The following CST3 variants were observed in gnomAD, a reference collection of about 807,000 sequenced individuals.
The protein encoded by CST3 is cystatin-C.
Under a neutral mutation model 9.0 loss-of-function variants are expected in CST3, and 14 were observed. That is an observed-to-expected ratio of 1.56 (90% CI 1.03 to 2.44). The LOEUF is 2.44. Among genes scored for constraint, CST3 ranks in the 30% most tolerant of loss-of-function variants. The probability of loss-of-function intolerance (pLI) is 0.00; values close to 1 mark genes in which losing one functional copy is unlikely to be tolerated. For synonymous variants in CST3, 96 were observed against 90.2 expected, an observed-to-expected ratio of 1.06 and a Z score of -0.37; for missense variants, 237 against 204.3, an observed-to-expected ratio of 1.16 and a Z score of -0.98.
rs949088725 is a variant in CST3, at chr20:23,637,871, A to AGGACGCG, written c.-16_-10dup. ...CGCAGGGGCCCGGCCATGGTCGGCT[A>AGGACGCG]GGACGCGGGACGCGGGGAGTGGGGC... On this transcript the variant is annotated 5_prime_UTR_variant, in exon 1 of 3. Transcript: ENST00000376925. 5 of 1,335,482 alleles carry AGGACGCG rather than the reference A, an allele frequency of 3.7e-6. No homozygotes were observed. In the African/African-American group the frequency reaches 4.8e-5, roughly 13 times the overall value. The allele number at this position is 1,335,482 out of a possible 1,614,324, so 82.7% of individuals were successfully genotyped here. A position where few individuals can be genotyped will look rare whatever the true frequency, so the allele number is the denominator to read the frequency against.
downstream of CST3, chr20:23,628,690 G>A (rs1317497161): frequency 3.3e-5 from 5 of 152,018 alleles, no homozygotes; most frequent in Non-Finnish European, 7.4e-5. Flanking sequence ...CTTGGTGCAG[G>A]GACTCCATTA....
downstream of CST3, chr20:23,633,656 A>G (rs565753783): frequency 1.8e-5 from 11 of 598,314 alleles, no homozygotes; most frequent in Admixed American, 1.1e-4. Context: ...ACTCAGAGGG[A>G]GCCGATGCTA....
At chr20:23,637,178 T>A (rs1299112599) in intron 1 of CST3, among the ~76,000 whole-genome samples, 1 of 152,188 alleles carries the variant, frequency 6.6e-6, no homozygotes, top group East Asian at 1.9e-4. Flanking sequence ...TACGGGAGAA[T>A]AAAAAGTTAA....
chr20:23,633,312 C>G (rs1205574842), downstream of CST3, among the ~76,000 whole-genome samples: 1 of 152,146 alleles, frequency 6.6e-6, no homozygotes, highest in Non-Finnish European at 1.5e-5. Flanking sequence ...GAGGCCTGGC[C>G]CCTGTCTATG....
downstream of CST3, among the ~76,000 whole-genome samples, chr20:23,629,971 C>T (rs1323262722): frequency 1.3e-5 from 2 of 152,184 alleles, no homozygotes; most frequent in Non-Finnish European, 2.9e-5. Flanking sequence ...TACTGGAAAT[C>T]AAGGGCTACA....
intron 1 of CST3, among the ~76,000 whole-genome samples, chr20:23,636,735 C>A (rs2122479644): frequency 6.6e-6 from 1 of 152,324 alleles, no homozygotes; most frequent in East Asian, 1.9e-4. Context: ...TGGGAAATGG[C>A]ACGGTCGTGG....
At chr20:23,637,535 G>A (rs1979728396) in intron 1 of CST3, 85 bp downstream of exon 1, 2 of 1,294,666 alleles carry the variant, frequency 1.5e-6, no homozygotes, top group Non-Finnish European at 2.0e-6. Flanking sequence ...CGCCGGAGAG[G>A]AGCAGCACGG....
In CST3 at chr20:23,633,695, T is replaced by C; in HGVS notation, c.*221A>G. 1.6e-6 allele frequency: 1 copy of C among 642,290 alleles called. No individual in the cohort carries two copies. The highest frequency in any genetic ancestry group is 1.8e-5 in the South Asian group (1 of 56,756). The allele number at this position is 642,290 out of a possible 1,614,324, so 39.8% of individuals were successfully genotyped here. The stretch of plus-strand genomic sequence containing the variant: ...TTTTATTGCAGGAGGTGGGGGTGTA[T>C]GCACCGCACACCGGGGCTATGAGAA... On this transcript the variant is annotated 3_prime_UTR_variant, in exon 3 of 3. Coordinates refer to ENST00000376925, the MANE Select transcript of CST3 (RefSeq NM_000099.4).
At chr20:23,635,439 T>C (rs906479320) in intron 1 of CST3, 72 bp from the exon 2 acceptor site, 5 of 1,339,034 alleles carry the variant, frequency 3.7e-6, no homozygotes, top group Admixed American at 1.9e-5. Context: ...GGCACTTCAC[T>C]GTGACCGGGT....
chr20:23,628,373 G>A (rs1004981160), exon 4 of CST3: 12 of 152,226 alleles, frequency 7.9e-5, no homozygotes, highest in Admixed American at 7.2e-4. Context: ...AGCATCTTCA[G>A]AGGCAGGGCC....
At chr20:23,627,559 T>A (rs114961540) in exon 4 of CST3, 1 of 152,250 alleles carries the variant, frequency 6.6e-6, no homozygotes, top group Non-Finnish European at 1.5e-5. Context: ...AGCTGACATA[T>A]AAATATGAGT....
In CST3 at chr20:23,637,798, C is replaced by T. The variant is rs1872892619; in HGVS notation, c.65G>A (p.Ser22Asn). Residue 22 changes from serine to asparagine, a missense_variant, in exon 1 of 3, where the codon AGC (serine) becomes AAC (asparagine). By Grantham distance (46) the Ser-to-Asn change is conservative. Transcript: ENST00000376925. ...LAILAVALAVSPAAGSSPGKP... is the reference protein window; with the variant it reads ...LAILAVALAVNPAAGSSPGKP... The stretch of plus-strand genomic sequence containing the variant: ...GCCGGGACTGGAGCCGGCCGCGGGG[C>T]TCACGGCCAGGGCCACGGCCAGGAT... The T allele has an allele frequency of 2.8e-6, 4 of 1,438,728 alleles. No individual in the cohort carries two copies. Among genetic ancestry groups the T allele is most frequent in the Non-Finnish European group, 3.7e-6 (4 of 1,084,608 alleles). 89.1% of individuals were successfully genotyped at this position (1,438,728 alleles called of 1,614,324 possible).
At position 23,633,946 on chromosome 20, in the gene CST3, G is replaced by C. The variant is rs1381948843; in HGVS notation, c.411C>G (p.Thr137=). The C allele has an allele frequency of 6.2e-7, 1 of 1,614,166 alleles. No individual in the cohort carries two copies. Among genetic ancestry groups the C allele is most frequent in the South Asian group, 1.1e-5 (1 of 91,084 alleles). ...CGTCCTGACAGGTGGATTTCGACAA[G>C]GTCATTGTGCCCTGCCAAGGCACAG... is the stretch of plus-strand genomic sequence containing the variant. The part of the protein sequence containing the change: ...IYAVPWQGTM[T]LSKSTCQDA The change falls in exon 3 of 3, where the codon ACC becomes ACG. Residue 137 remains threonine (T), a synonymous_variant. Coordinates refer to ENST00000376925, the MANE Select transcript of CST3 (RefSeq NM_000099.4).
Position 23,637,776 on chromosome 20 carries a change from G to T in CST3, c.87C>A (p.Pro29=). ...CTCCCACTAGGCGCGGCGGCTTGCC[G>T]GGACTGGAGCCGGCCGCGGGGCTCA... ...LAVSPAAGSS[P]GKPPRLVGGP... is the part of the protein sequence containing the mutation. The change falls in exon 1 of 3, where the codon CCC becomes CCA. Residue 29 remains proline (P), a synonymous_variant. Coordinates refer to ENST00000376925, the MANE Select transcript of CST3 (RefSeq NM_000099.4). 6.5e-7 allele frequency: 1 copy of T among 1,529,270 alleles called. No individual in the cohort carries two copies. The highest frequency in any genetic ancestry group is 1.4e-5 in the African/African-American group (1 of 70,040). 94.7% of individuals were successfully genotyped at this position (1,529,270 alleles called of 1,614,324 possible). A position where few individuals can be genotyped will look rare whatever the true frequency, so the allele number is the denominator to read the frequency against.
intron 1 of CST3, among the ~76,000 whole-genome samples, chr20:23,636,899 C>T (rs558440616): frequency 1.3e-5 from 2 of 152,336 alleles, no homozygotes; most frequent in South Asian, 2.1e-4. Flanking sequence ...ATGAATGTGT[C>T]AGTGCTGATT....
intron 2 of CST3, 74 bp from the exon 3 acceptor site, chr20:23,634,073 C>G: frequency 3.3e-6 from 4 of 1,230,284 alleles, no homozygotes; most frequent in Non-Finnish European, 4.8e-6. Flanking sequence ...CACGGGACAT[C>G]AGAGTGGGAG....
At chr20:23,633,065 G>T (rs904464660), downstream of CST3, among the ~76,000 whole-genome samples, 12 of 152,202 alleles carry the variant, frequency 7.9e-5, no homozygotes, top group Non-Finnish European at 1.8e-4. Context: ...ATGGATGACA[G>T]CAGGTGCCAC....
chr20:23,634,372 A>G (rs905418780), intron 2 of CST3, among the ~76,000 whole-genome samples: 2 of 152,146 alleles, frequency 1.3e-5, no homozygotes, highest in Admixed American at 1.3e-4. Context: ...CAGCACTATG[A>G]AGGGCGAGAG....
chr20:23,627,633 A>C (rs1979299948), exon 4 of CST3: 1 of 152,216 alleles, frequency 6.6e-6, no homozygotes, highest in Admixed American at 6.5e-5. Context: ...TTTCCAAAGC[A>C]GCTGCACCAT....
Sources: allele counts gnomAD v4.1 joint callset (sites outside exome capture counted in the v4.1 genomes callset), GRCh38; gene constraint gnomAD v4.1.1; transcripts MANE v1.5; gene names NCBI Gene and HGNC (gene_info 2026-07-23, HGNC 2026-07-21).